Variants in FREM2 observed in about 807,000 individuals in gnomAD.
FREM2 encodes FRAS1-related extracellular matrix protein 2.
In FREM2, 119 loss-of-function variants were observed where a neutral mutation model predicts 219.9. That is an observed-to-expected ratio of 0.54 (90% confidence interval 0.47 to 0.63). The LOEUF (loss-of-function observed/expected upper bound fraction) is 0.63. FREM2 is among the 30% of genes least tolerant of loss of function. The probability of loss-of-function intolerance (pLI) is 0.00; values close to 1 mark genes in which losing one functional copy is unlikely to be tolerated. For missense variants in FREM2, 4,030 were observed against 3,993.6 expected, an observed-to-expected ratio of 1.01 and a Z score of -0.25; for synonymous variants, 1,562 against 1,522.8, an observed-to-expected ratio of 1.03 and a Z score of -0.60.
chr13:38,743,344 T>C (rs1298272075), intron 2 of FREM2, among the ~76,000 whole-genome samples: 1 of 151,638 alleles, frequency 6.6e-6, no homozygotes, highest in Non-Finnish European at 1.5e-5. Context: ...TATATATGTA[T>C]AGTATGTGGC....
intron 6 of FREM2, among the ~76,000 whole-genome samples, chr13:38,801,410 T>C (rs1875001607): frequency 6.6e-6 from 1 of 152,220 alleles, no homozygotes; most frequent in Admixed American, 6.5e-5. Context: ...TGCTTTTTCA[T>C]GTTTCCTGTG....
intron 2 of FREM2, among the ~76,000 whole-genome samples, chr13:38,708,152 A>G (rs1456650259): frequency 6.6e-6 from 1 of 152,190 alleles, no homozygotes; most frequent in East Asian, 1.9e-4. Flanking sequence ...CCCCCACTAT[A>G]ATATATGCTG....
At chr13:38,843,274 G>T (rs747552474) in intron 6 of FREM2, among the ~76,000 whole-genome samples, 48 of 152,198 alleles carry the variant, frequency 3.2e-4, no homozygotes, top group Non-Finnish European at 5.6e-4. Flanking sequence ...TTAAGTCTGT[G>T]AACTTAAACA....
At chr13:38,791,095 T>C (rs1001501129) in intron 6 of FREM2, among the ~76,000 whole-genome samples, 7 of 152,184 alleles carry the variant, frequency 4.6e-5, no homozygotes, top group Non-Finnish European at 7.3e-5. Context: ...CAAGGATTGC[T>C]AGTGACTGAG....
At chr13:38,699,315 T>C (rs1169265347) in intron 2 of FREM2, among the ~76,000 whole-genome samples, 3 of 150,662 alleles carry the variant, frequency 2.0e-5, no homozygotes, top group African/African-American at 5.0e-5. Flanking sequence ...TTTTTGCTCA[T>C]ACACAAACAC....
intron 6 of FREM2, among the ~76,000 whole-genome samples, chr13:38,839,699 C>T (rs111264552): frequency 0.031 from 4,745 of 152,218 alleles, 137 homozygotes; most frequent in Middle Eastern, 0.061. Context: ...CGTGGCTTTG[C>T]GGTGCTGTGA....
chr13:38,703,116 T>C (rs1347683092), intron 2 of FREM2, among the ~76,000 whole-genome samples: 1 of 152,194 alleles, frequency 6.6e-6, no homozygotes, highest in Non-Finnish European at 1.5e-5. Flanking sequence ...AAGCCTTTCA[T>C]TTTTAATAGA....
At chr13:38,712,383 T>G (rs2138096629) in intron 2 of FREM2, among the ~76,000 whole-genome samples, 1 of 152,304 alleles carries the variant, frequency 6.6e-6, no homozygotes, top group East Asian at 1.9e-4. Flanking sequence ...ATAAAACTGA[T>G]TAGGCCGCCT....
intron 2 of FREM2, among the ~76,000 whole-genome samples, chr13:38,719,824 C>G (rs1871152552): frequency 6.6e-6 from 1 of 152,132 alleles, no homozygotes; most frequent in South Asian, 2.1e-4. Context: ...CTAGGTTTGT[C>G]TACCTGTTGG....
chr13:38,711,929 T>C (rs1870788459), intron 2 of FREM2, among the ~76,000 whole-genome samples: 1 of 148,826 alleles, frequency 6.7e-6, no homozygotes, highest in Admixed American at 6.7e-5. Context: ...TTTTTTTTTT[T>C]TTTTTTTTTG....
intron 6 of FREM2, among the ~76,000 whole-genome samples, chr13:38,828,990 A>G (rs1031736731): frequency 6.6e-6 from 1 of 152,118 alleles, no homozygotes; most frequent in Admixed American, 6.6e-5. Context: ...TTTAGATGTA[A>G]CAAAATATAT....
chr13:38,781,917 G>T (rs973937173), intron 4 of FREM2, among the ~76,000 whole-genome samples: 4 of 152,146 alleles, frequency 2.6e-5, no homozygotes, highest in African/African-American at 9.7e-5. Context: ...TTTTGTGGAG[G>T]GTGTGCAGCC....
chr13:38,747,935 C>A lies in FREM2; in HGVS notation c.5264-16369C>A. On this transcript the variant is annotated intron_variant, in intron 2 of 23. Transcript: ENST00000280481. ...CTTCAGAAGCATTCTTCTTAGTAAG[C>A]CTTTAAATCCCTTATCAGAGCTGGG... Among the ~76,000 whole-genome samples the A allele has an allele frequency of 1.3e-5, 2 of 152,138 alleles. 1 individual carries two copies. Among genetic ancestry groups the A allele is most frequent in the Non-Finnish European group, 2.9e-5 (2 of 68,024 alleles).
chr13:38,707,463 G>A (rs902808428), intron 2 of FREM2, among the ~76,000 whole-genome samples: 3 of 152,090 alleles, frequency 2.0e-5, no homozygotes, highest in African/African-American at 7.2e-5. Flanking sequence ...AGGAAGTGAG[G>A]ACACAATTGT....
intron 7 of FREM2, among the ~76,000 whole-genome samples, chr13:38,848,141 T>C (rs1384177256): frequency 6.6e-6 from 1 of 152,222 alleles, no homozygotes; most frequent in Non-Finnish European, 1.5e-5. Context: ...TGCTGATTTT[T>C]CTAAGCCTGA....
chr13:38,744,338 G>A (rs1374113533), intron 2 of FREM2, among the ~76,000 whole-genome samples: 1 of 150,240 alleles, frequency 6.7e-6, no homozygotes, highest in African/African-American at 2.5e-5. Flanking sequence ...AGCCTCCCTA[G>A]TAGCTGGGAG....
intron 6 of FREM2, among the ~76,000 whole-genome samples, chr13:38,846,218 A>C (rs199694751): frequency 9.4e-6 from 1 of 106,496 alleles, no homozygotes; most frequent in African/African-American, 3.5e-5. Context: ...TGGCCAAAGT[A>C]AAAAAAAAAA....
chr13:38,843,268 G>A (rs571641641), intron 6 of FREM2, among the ~76,000 whole-genome samples: 1 of 148,536 alleles, frequency 6.7e-6, no homozygotes, highest in Admixed American at 7.0e-5. Context: ...TATCCATTAA[G>A]TCTGTGAACT....
intron 20 of FREM2, 76 bp downstream of exon 20, chr13:38,876,458 A>T (rs1416070033): frequency 6.2e-6 from 8 of 1,298,700 alleles, no homozygotes; most frequent in African/African-American, 4.4e-5. Context: ...AAAAAAAAAA[A>T]AATCCACACG....
Sources: allele counts gnomAD v4.1 joint callset (sites outside exome capture counted in the v4.1 genomes callset), GRCh38; gene constraint gnomAD v4.1.1; transcripts MANE v1.5; gene names NCBI Gene and HGNC (gene_info 2026-07-23, HGNC 2026-07-21).